FLT1: variants seen among roughly 807,000 people sequenced by gnomAD.
FLT1 encodes the protein vascular endothelial growth factor receptor 1.
FLT1 carries 49 observed loss-of-function variants against 156.3 expected under a neutral mutation model. The ratio of observed to expected loss-of-function variants is 0.31; its 90% CI spans 0.25 to 0.40. FLT1 has a LOEUF of 0.40. Ranked by LOEUF, FLT1 falls within the 10% of genes least tolerant of loss-of-function variation. The pLI is 1.00. For synonymous variants in FLT1, 594 were observed against 583.8 expected (o/e 1.02, Z -0.25); for missense variants, 1,322 against 1,637.2 (o/e 0.81, Z 3.32).
At chr13:28,477,319 AT>A (rs1880601956) in intron 1 of FLT1, among the ~76,000 whole-genome samples, 1 of 152,172 alleles carries the variant, frequency 6.6e-6, no homozygotes, top group South Asian at 2.1e-4. Flanking sequence ...ATCAGAGTTA[AT>A]TAAGGTTGGT....
chr13:28,321,133 A>C (rs969611293), intron 23 of FLT1, among the ~76,000 whole-genome samples: 1 of 152,112 alleles, frequency 6.6e-6, no homozygotes, highest in African/African-American at 2.4e-5. Context: ...TCAGTGGTAC[A>C]AGGAATTCCC....
chr13:28,472,880 C>T (rs1424328144), intron 1 of FLT1, among the ~76,000 whole-genome samples: 2 of 152,146 alleles, frequency 1.3e-5, no homozygotes, highest in African/African-American at 2.4e-5. Context: ...TTAGAAATCA[C>T]ATTTTAGAAA....
intron 13 of FLT1, 145 bp from the exon 14 acceptor site, chr13:28,385,176 T>C: frequency 1.2e-6 from 1 of 827,790 alleles, no homozygotes; most frequent in Non-Finnish European, 2.0e-6. Flanking sequence ...TCTTCAATCA[T>C]TAACCTGCTG....
rs1870584452 is a variant in FLT1 at position 28,303,189 on chromosome 13, A to G, written c.3995T>C (p.Leu1332Pro). 3 of 1,611,518 alleles carry G rather than the reference A, an allele frequency of 1.9e-6. No individual in the cohort carries two copies. The highest frequency in any genetic ancestry group is 2.5e-6 in the Non-Finnish European group (3 of 1,179,958). ...ACTCTAGATGGGTGGGGTGGAGTAC[A>G]GGACCACCGAGTTGTAGTCTGGGGG... ...SPPPDYNSVV[L>P]YSTPPI The change falls in exon 30 of 30, where the codon CTG becomes CCG. Residue 1332 changes from leucine (L) to proline (P), a missense_variant. Coordinates refer to ENST00000282397, the MANE Select transcript of FLT1 (RefSeq NM_002019.4).
intron 29 of FLT1, among the ~76,000 whole-genome samples, chr13:28,305,285 G>T (rs970688544): frequency 3.3e-5 from 5 of 152,084 alleles, no homozygotes; most frequent in African/African-American, 9.7e-5. Flanking sequence ...GTGTAGTGGT[G>T]CAATTGTGGC....
chr13:28,320,540 T>G (rs1871406893), intron 23 of FLT1, among the ~76,000 whole-genome samples: 1 of 149,804 alleles, frequency 6.7e-6, no homozygotes. Flanking sequence ...GAGATTTGTT[T>G]GCATTTTTTT....
At position 28,319,448 on chromosome 13, in the gene FLT1, T is replaced by C. The variant is rs749413122; in HGVS notation, c.3261A>G (p.Val1087=). The change falls in exon 24 of 30, where the codon GTA becomes GTG. Residue 1087 remains valine (V), a synonymous_variant. Transcript: ENST00000282397. Reference sequence around the variant, plus strand: ...CTAAGGAGAAGATTTCCCACAGCAATACTCCGTAAGACCACACGTCGCTCT... The same window carrying C: ...CTAAGGAGAAGATTTCCCACAGCAACACTCCGTAAGACCACACGTCGCTCT... The part of the protein sequence containing the change: ...STKSDVWSYG[V]LLWEIFSLGG... 2 of 1,613,046 alleles carry C rather than the reference T, an allele frequency of 1.2e-6. No homozygotes were observed. The highest frequency in any genetic ancestry group is 1.7e-5 in the Admixed American group (1 of 60,010).
chr13:28,313,906 AAAAG>A (rs1200366412), intron 25 of FLT1, among the ~76,000 whole-genome samples: 1 of 25,944 alleles, frequency 3.9e-5, no homozygotes, highest in African/African-American at 5.7e-5. Flanking sequence ...AAAAAAAAAA[AAAAG>A]AAGAATCCGG....
At chr13:28,319,561 C>T (rs763626690) in intron 23 of FLT1, 27 bp from the exon 24 acceptor site, 6 of 1,395,442 alleles carry the variant, frequency 4.3e-6, no homozygotes, top group South Asian at 2.3e-5. Context: ...GGGCCTTGAG[C>T]AGAAGGGCAT....
chr13:28,365,797 T>G (rs1873270241), intron 14 of FLT1, among the ~76,000 whole-genome samples: 1 of 152,220 alleles, frequency 6.6e-6, no homozygotes, highest in South Asian at 2.1e-4. Context: ...TAAATACAGA[T>G]TCTTTAACCA....
At chr13:28,335,298 CAGTT>C (rs1872076584) in intron 17 of FLT1, among the ~76,000 whole-genome samples, 1 of 152,108 alleles carries the variant, frequency 6.6e-6, no homozygotes. Context: ...TAAATCCTGG[CAGTT>C]AGAGTGTTAA....
At chr13:28,384,513 C>T (rs1205716612) in intron 14 of FLT1, among the ~76,000 whole-genome samples, 1 of 151,172 alleles carries the variant, frequency 6.6e-6, no homozygotes, top group Non-Finnish European at 1.5e-5. Flanking sequence ...CTGAACTTCA[C>T]ATATGCCAGG....
At chr13:28,331,855 TA>T (rs35686096) in intron 18 of FLT1, among the ~76,000 whole-genome samples, 26,445 of 146,216 alleles carry the variant, frequency 0.18, 2,363 homozygotes, top group African/African-American at 0.22. Flanking sequence ...TGCTGATGGC[TA>T]AAAAAAAAAA....
At chr13:28,467,250 C>T (rs1444575777) in intron 2 of FLT1, 121 bp from the exon 3 acceptor site, 4 of 806,480 alleles carry the variant, frequency 5.0e-6, no homozygotes, top group Non-Finnish European at 8.6e-6. Flanking sequence ...TCATCTTCCT[C>T]TTTACGGGAA....
rs1255447242 is a variant in FLT1 at position 28,306,694 on chromosome 13, C to A, written c.3799G>T (p.Ala1267Ser). 1.2e-6 allele frequency: 2 copies of A among 1,612,634 alleles called. No individual in the cohort carries two copies. Among genetic ancestry groups the A allele is most frequent in the Non-Finnish European group, 1.7e-6 (2 of 1,178,672 alleles). Residue 1267 changes from alanine (A) to serine (S), a missense_variant, in exon 29 of 30, where the codon GCC becomes TCC. Coordinates refer to ENST00000282397, the MANE Select transcript of FLT1 (RefSeq NM_002019.4). ...RFTWTDSKPK[A>S]SLKIDLRVTS... The stretch of plus-strand genomic sequence containing the variant: ...AATTCTTACTCAATCTTGAGCGAGG[C>A]CTTGGGTTTGCTGTCAGTCCAGGTG...
intron 13 of FLT1, chr13:28,388,736 A>G: frequency 3.8e-6 from 4 of 1,058,408 alleles, no homozygotes; most frequent in Non-Finnish European, 4.6e-6. Flanking sequence ...TTAAATTTAC[A>G]TTTAGAAGAA....
intron 19 of FLT1, among the ~76,000 whole-genome samples, chr13:28,327,756 CAAAAAAAA>C (rs56031277): frequency 8.1e-6 from 1 of 122,788 alleles, no homozygotes; most frequent in Non-Finnish European, 1.7e-5. Context: ...AATTGAAATA[CAAAAAAAA>C]AAAAAAAAAA....
chr13:28,462,508 T>C (rs1469956313), intron 3 of FLT1, among the ~76,000 whole-genome samples: 1 of 152,210 alleles, frequency 6.6e-6, no homozygotes, highest in African/African-American at 2.4e-5. Flanking sequence ...TGACCTGGTG[T>C]TTCGTAGCTA....
intron 8 of FLT1, among the ~76,000 whole-genome samples, chr13:28,429,670 A>G (rs1252348001): frequency 6.6e-6 from 1 of 152,156 alleles, no homozygotes; most frequent in Non-Finnish European, 1.5e-5. Context: ...CAGCATTCTC[A>G]TTACAAGAGC....
Sources: gnomAD v4.1 joint callset for allele counts (sites outside exome capture counted in the v4.1 genomes callset) on GRCh38, gnomAD v4.1.1 for gene constraint, MANE v1.5 for transcripts, NCBI Gene and HGNC (gene_info 2026-07-23, HGNC 2026-07-21) for gene names.